The following KCNQ5 variants were observed in gnomAD, a reference collection of about 807,000 sequenced individuals.
KCNQ5 encodes potassium voltage-gated channel subfamily KQT member 5.
In KCNQ5, 30 loss-of-function variants were observed where a neutral mutation model predicts 98.2. That is an observed-to-expected ratio of 0.31 (90% CI 0.23 to 0.41). The LOEUF is 0.41. KCNQ5 is among the 10% of genes least tolerant of loss of function. The pLI is 1.00. For missense variants in KCNQ5, 835 were observed against 1,182.5 expected (o/e 0.71, Z 4.31); for synonymous variants, 458 against 449.4 (o/e 1.02, Z -0.24).
chr6:72,906,229 C>T (rs1177549459), intron 1 of KCNQ5, among the ~76,000 whole-genome samples: 3 of 152,146 alleles, frequency 2.0e-5, no homozygotes, highest in East Asian at 1.9e-4. Context: ...TCTGAAGGGC[C>T]GGTCTCAATC....
intron 2 of KCNQ5, among the ~76,000 whole-genome samples, chr6:73,029,928 A>C (rs1310655108): frequency 6.8e-6 from 1 of 147,522 alleles, no homozygotes; most frequent in Non-Finnish European, 1.5e-5. Context: ...AAAAAAAAAG[A>C]GTATACTTGA....
intron 1 of KCNQ5, among the ~76,000 whole-genome samples, chr6:72,846,119 G>A (rs935347344): frequency 6.6e-6 from 1 of 152,130 alleles, no homozygotes; most frequent in African/African-American, 2.4e-5. Flanking sequence ...AAGAATGAAT[G>A]CAAACTACTC....
intron 1 of KCNQ5, among the ~76,000 whole-genome samples, chr6:72,843,696 A>G (rs991424062): frequency 1.3e-5 from 2 of 152,216 alleles, no homozygotes; most frequent in East Asian, 1.9e-4. Context: ...ATTACTGGGT[A>G]TATACCCAAA....
At chr6:73,104,022 A>G (rs1173320072) in intron 5 of KCNQ5, among the ~76,000 whole-genome samples, 3 of 152,108 alleles carry the variant, frequency 2.0e-5, no homozygotes, top group African/African-American at 7.2e-5. Flanking sequence ...AATTATTAAT[A>G]AATTATTAGT....
chr6:72,927,204 T>C lies in KCNQ5; in HGVS notation c.399-76704T>C, dbSNP rs1376228329. ...GTACTTAGTGATTCTTTATTAGCCA[T>C]GTGGAAATGCTAAAAGTTTTACAAC... On this transcript the variant is annotated intron_variant, in intron 1 of 13. Transcript: ENST00000370398. Among the ~76,000 whole-genome samples, 6 of 152,192 alleles carry C rather than the reference T, an allele frequency of 3.9e-5. 1 individual carries two copies. The highest frequency in any genetic ancestry group is 1.5e-5 in the Non-Finnish European group (1 of 68,004).
chr6:72,726,007 A>G (rs1318322261), intron 1 of KCNQ5, among the ~76,000 whole-genome samples: 1 of 152,086 alleles, frequency 6.6e-6, no homozygotes, highest in Non-Finnish European at 1.5e-5. Flanking sequence ...GTTTTCTGAA[A>G]TGACTTAATC....
chr6:72,838,306 A>C (rs1400094626), intron 1 of KCNQ5, among the ~76,000 whole-genome samples: 1 of 152,076 alleles, frequency 6.6e-6, no homozygotes, highest in Non-Finnish European at 1.5e-5. Context: ...TCCCCAAAGT[A>C]GAATAAAATA....
chr6:72,814,049 A>T (rs376746982), intron 1 of KCNQ5, among the ~76,000 whole-genome samples: 1 of 152,092 alleles, frequency 6.6e-6, no homozygotes, highest in East Asian at 1.9e-4. Context: ...GGATCAGAGG[A>T]GGAAAGAGGG....
intron 1 of KCNQ5, among the ~76,000 whole-genome samples, chr6:72,922,759 T>A (rs1019159981): frequency 3.9e-5 from 6 of 152,080 alleles, no homozygotes; most frequent in Admixed American, 3.9e-4. Flanking sequence ...TAAGGCTTAA[T>A]AATATTTCAT....
At chr6:73,023,654 A>G (rs1770715059) in intron 2 of KCNQ5, among the ~76,000 whole-genome samples, 2 of 152,194 alleles carry the variant, frequency 1.3e-5, no homozygotes, top group African/African-American at 4.8e-5. Context: ...TTCCCAGGAC[A>G]TGGCCTAACA....
chr6:72,869,381 G>A lies in KCNQ5; in HGVS notation c.399-134527G>A, dbSNP rs574273026. 2.6e-5 allele frequency among the ~76,000 whole-genome samples: 4 copies of A among 152,144 alleles called. 1 individual carries two copies. Among genetic ancestry groups the A allele is most frequent in the South Asian group, 2.1e-4 (1 of 4,824 alleles). Reference sequence around the variant, plus strand: ...CTTACTTGAGAGCAGGAAACCAGGCGATTTGGAAAATGAAAATATTAGGTT... The same window carrying A: ...CTTACTTGAGAGCAGGAAACCAGGCAATTTGGAAAATGAAAATATTAGGTT... On this transcript the variant is annotated intron_variant, in intron 1 of 13. Coordinates refer to ENST00000370398, the MANE Select transcript of KCNQ5 (RefSeq NM_019842.4).
intron 2 of KCNQ5, among the ~76,000 whole-genome samples, chr6:73,007,745 C>T (rs1769878054): frequency 6.6e-6 from 1 of 152,122 alleles, no homozygotes; most frequent in Admixed American, 6.5e-5. Flanking sequence ...AGAAATCTGA[C>T]CTCGGATCAC....
In KCNQ5 at chr6:73,198,845, C is replaced by A. The variant is rs1467827803; in HGVS notation, c.*3431C>A. ...TTAAAGTAAAACATTAAAAAGATGT[C>A]TATAAACAGCTAGTGTGACTATTTT... On this transcript the variant is annotated 3_prime_UTR_variant, in exon 14 of 14. Coordinates refer to ENST00000370398, the MANE Select transcript of KCNQ5 (RefSeq NM_019842.4). The A allele has an allele frequency of 6.6e-6, 1 of 152,178 alleles. No individual in the cohort carries two copies. The highest frequency in any genetic ancestry group is 2.4e-5 in the African/African-American group (1 of 41,446). 9.4% of individuals were successfully genotyped at this position (152,178 alleles called of 1,614,324 possible). A position where few individuals can be genotyped will look rare whatever the true frequency, so the allele number is the denominator to read the frequency against.
intron 1 of KCNQ5, among the ~76,000 whole-genome samples, chr6:72,898,693 A>G (rs1779354153): frequency 6.6e-6 from 1 of 152,188 alleles, no homozygotes. Flanking sequence ...TATACCCAGT[A>G]ATGGGATTGC....
chr6:72,622,737 T>G lies in KCNQ5; in HGVS notation c.398+150T>G, dbSNP rs2098916037. Reference sequence around the variant, plus strand: ...TCGCACGTGTTCGTGGTCTTCCTTCTGGAGCCTCTCCCCTCCCCCAGCCCC... The same window carrying G: ...TCGCACGTGTTCGTGGTCTTCCTTCGGGAGCCTCTCCCCTCCCCCAGCCCC... On this transcript the variant is annotated intron_variant, in intron 1 of 13. Coordinates refer to ENST00000370398, the MANE Select transcript of KCNQ5 (RefSeq NM_019842.4). This position sits in a 1 kb window ranked among gnomAD's most constrained non-coding sequence, Gnocchi z 6.0. 1 of 771,550 alleles carries G rather than the reference T, an allele frequency of 1.3e-6. No homozygotes were observed. Among genetic ancestry groups the G allele is most frequent in the Non-Finnish European group, 2.1e-6 (1 of 484,998 alleles). The allele number at this position is 771,550 out of a possible 1,614,324, so 47.8% of individuals were successfully genotyped here. A position where few individuals can be genotyped will look rare whatever the true frequency, so the allele number is the denominator to read the frequency against.
rs192099749 is a variant in KCNQ5 at position 72,819,057 on chromosome 6, G to A, written c.399-184851G>A. Among the ~76,000 whole-genome samples, 148 of 151,982 alleles carry A rather than the reference G, an allele frequency of 9.7e-4. 1 individual carries two copies. Among genetic ancestry groups the A allele is most frequent in the African/African-American group, 3.4e-3 (142 of 41,522 alleles). ...ATTTCATGATTTGAAAATCTTAAAA[G>A]TTAGTAAGATGTGCACTAGATGTAG... On this transcript the variant is annotated intron_variant, in intron 1 of 13. Coordinates refer to ENST00000370398, the MANE Select transcript of KCNQ5 (RefSeq NM_019842.4).
At chr6:72,787,788 T>G (rs912633212) in intron 1 of KCNQ5, among the ~76,000 whole-genome samples, 1 of 152,204 alleles carries the variant, frequency 6.6e-6, no homozygotes, top group Non-Finnish European at 1.5e-5. Context: ...TTTCCAAACT[T>G]AATCAGCTCC....
intron 2 of KCNQ5, 74 bp from the exon 3 acceptor site, chr6:73,041,862 A>C: frequency 6.4e-7 from 1 of 1,570,304 alleles, no homozygotes; most frequent in Admixed American, 1.7e-5. Flanking sequence ...AAATGTCCAA[A>C]AATATGCATA....
intron 1 of KCNQ5, among the ~76,000 whole-genome samples, chr6:72,947,688 G>C (rs979434377): frequency 6.6e-6 from 1 of 152,096 alleles, no homozygotes. Flanking sequence ...CTCATAAAGA[G>C]ATCTCATGGC....
Sources: allele counts gnomAD v4.1 joint callset (sites outside exome capture counted in the v4.1 genomes callset), GRCh38; gene constraint gnomAD v4.1.1; non-coding constraint Gnocchi (gnomAD v3.1); transcripts MANE v1.5; gene names NCBI Gene and HGNC (gene_info 2026-07-23, HGNC 2026-07-21).